COL18A1: variants seen among roughly 807,000 people sequenced by gnomAD.
COL18A1 encodes the protein collagen alpha-1(XVIII) chain.
In COL18A1, 133 loss-of-function variants were observed where a neutral mutation model predicts 168.0. The ratio of observed to expected loss-of-function variants is 0.79; its 90% CI spans 0.69 to 0.91. The LOEUF is 0.91. Among genes scored for constraint, COL18A1 ranks in the 40% least tolerant of loss-of-function variants. The pLI is 0.00. For synonymous variants in COL18A1, 949 were observed against 809.0 expected (o/e 1.17, Z -2.94); for missense variants, 2,126 against 1,925.4 (o/e 1.10, Z -1.95).
intron 2 of COL18A1, among the ~76,000 whole-genome samples, chr21:45,445,267 G>A (rs1422382429): frequency 2.6e-5 from 4 of 152,192 alleles, no homozygotes; most frequent in Admixed American, 6.5e-5. Flanking sequence ...GGGTTCGTCC[G>A]TGTTGCACCC....
At chr21:45,493,411 C>A (rs1177870235) in intron 25 of COL18A1, 90 bp from the exon 26 acceptor site, 3 of 1,350,384 alleles carry the variant, frequency 2.2e-6, no homozygotes, top group Non-Finnish European at 3.1e-6. Flanking sequence ...CTGCGAGGCC[C>A]AGTCACAGCG....
At chr21:45,439,801 CG>C (rs2034319455) in intron 2 of COL18A1, among the ~76,000 whole-genome samples, 1 of 150,240 alleles carries the variant, frequency 6.7e-6, no homozygotes, top group Non-Finnish European at 1.5e-5. Flanking sequence ...CTAAGATGCT[CG>C]GGAAATGCCG....
intron 2 of COL18A1, among the ~76,000 whole-genome samples, chr21:45,406,656 G>A (rs2033120162): frequency 6.6e-6 from 1 of 152,190 alleles, no homozygotes; most frequent in East Asian, 1.9e-4. Flanking sequence ...TCTGAGCCGG[G>A]CCGCCAGCGC....
In COL18A1 at chr21:45,457,694, A is replaced by C. The variant is rs977323590; in HGVS notation, c.107-10548A>C. Among the ~76,000 whole-genome samples, 1 of 152,110 alleles carries C rather than the reference A, an allele frequency of 6.6e-6. No homozygotes were observed. The highest frequency in any genetic ancestry group is 1.5e-5 in the Non-Finnish European group (1 of 68,008). On this transcript the variant is annotated intron_variant, in intron 2 of 41. Transcript: ENST00000651438. This position sits in a 1 kb window ranked among gnomAD's most constrained non-coding sequence, Gnocchi z 4.6. ...CTGCCCCATTCAGATTCTGCTTGCT[A>C]TGTGCACCTGGCAGCCTTGGCCCAG...
Position 45,487,431 on chromosome 21 carries a change from C to T in COL18A1, c.1834-16C>T, listed in dbSNP as rs75606818. Reference sequence around the variant, plus strand: ...AAGGGACACAGGCCCCTACGTGTCTCGTGTGTCTCTTCCAGGATGACATGG... The same window carrying T: ...AAGGGACACAGGCCCCTACGTGTCTTGTGTGTCTCTTCCAGGATGACATGG... On this transcript the variant is annotated splice_polypyrimidine_tract_variant and intron_variant, in intron 16 of 41. Transcript: ENST00000651438. 3.8e-4 allele frequency: 612 copies of T among 1,612,392 alleles called. 1 individual carries two copies. In the African/African-American group the frequency reaches 7.5e-3, roughly 20 times the overall value.
chr21:45,484,109 T>TGA (rs2036000600), intron 15 of COL18A1, among the ~76,000 whole-genome samples: 3 of 101,548 alleles, frequency 3.0e-5, no homozygotes, highest in African/African-American at 4.8e-5. Context: ...CCAGCATATG[T>TGA]GCACACGCAC....
At chr21:45,492,444 T>G in intron 22 of COL18A1, 91 bp from the exon 23 acceptor site, 5 of 1,450,266 alleles carry the variant, frequency 3.4e-6, no homozygotes, top group Non-Finnish European at 4.8e-6. Flanking sequence ...ATTTCCTGGT[T>G]TGGTGTTTTG....
At chr21:45,447,225 A>G (rs993638678) in intron 2 of COL18A1, among the ~76,000 whole-genome samples, 4 of 151,154 alleles carry the variant, frequency 2.6e-5, no homozygotes, top group Admixed American at 2.0e-4. Context: ...TATCATATAT[A>G]TCATATATCA....
At chr21:45,435,998 C>T (rs1420436664) in intron 2 of COL18A1, among the ~76,000 whole-genome samples, 1 of 152,164 alleles carries the variant, frequency 6.6e-6, no homozygotes, top group Admixed American at 6.5e-5. Flanking sequence ...GGCAGGGTGG[C>T]CAATTCCTGC....
intron 2 of COL18A1, among the ~76,000 whole-genome samples, chr21:45,442,768 G>A (rs542928945): frequency 3.7e-5 from 4 of 107,184 alleles, no homozygotes; most frequent in Admixed American, 8.6e-5. Context: ...AGCGGTGCTG[G>A]TGTGGGCGGC....
At chr21:45,429,403 A>AGG in intron 2 of COL18A1, among the ~76,000 whole-genome samples, 1 of 150,696 alleles carries the variant, frequency 6.6e-6, no homozygotes, top group Middle Eastern at 3.4e-3. Context: ...GGTCCCTGTG[A>AGG]GGAAGGGGCA....
chr21:45,440,257 A>G (rs2034332478), intron 2 of COL18A1, among the ~76,000 whole-genome samples: 3 of 152,240 alleles, frequency 2.0e-5, no homozygotes, highest in African/African-American at 7.2e-5. Flanking sequence ...GCTCTGCAAG[A>G]TTCAGAAGCA....
chr21:45,503,857 C>G (rs570672230), intron 32 of COL18A1, 154 bp from the exon 33 acceptor site: 4 of 599,030 alleles, frequency 6.7e-6, no homozygotes, highest in Non-Finnish European at 1.2e-5. Flanking sequence ...CAGAAAGTAT[C>G]GGTTAACTAG....
At position 45,409,471 on chromosome 21, in the gene COL18A1, TCC is replaced by T. The variant is rs2033223897; in HGVS notation, c.106+4000_106+4001del. Among the ~76,000 whole-genome samples, 8 of 152,202 alleles carry T rather than the reference TCC, an allele frequency of 5.3e-5. 2 individuals are homozygous for T. Among genetic ancestry groups the T allele is most frequent in the African/African-American group, 1.9e-4 (8 of 41,540 alleles). On this transcript the variant is annotated intron_variant, in intron 2 of 41. Coordinates refer to ENST00000651438, the MANE Select transcript of COL18A1 (RefSeq NM_001379500.1). ...TTGGGTGCTCCTCTTATCCAAGGCC[TCC>T]CAGGCCTGGGAGTTTGGGGTCTAAG...
chr21:45,478,344 CG>C lies in COL18A1; in HGVS notation c.1241del (p.Gly414GlufsTer18), dbSNP rs772838197. 1 of 1,614,152 alleles carries C rather than the reference CG, an allele frequency of 6.2e-7. No homozygotes were observed. Among genetic ancestry groups the C allele is most frequent in the East Asian group, 2.2e-5 (1 of 44,876 alleles). On this transcript the variant is annotated frameshift_variant, in exon 9 of 42. Transcript: ENST00000651438. LOFTEE classifies it high-confidence loss of function. The stretch of plus-strand genomic sequence containing the variant: ...ACACCCAGGGCGACCCCGGTGAAGA[CG>C]GAAAGCCGGTGAGTCTGCTTTTCTT... ...DGEPGDPGEDGKPGDTGPQGF... is the reference protein window; with the variant it reads ...DGEPGDPGEDXKPGDTGPQGF...
Position 45,457,410 on chromosome 21 carries a change from G to A in COL18A1, c.107-10832G>A, listed in dbSNP as rs970717516. On this transcript the variant is annotated intron_variant, in intron 2 of 41. Coordinates refer to ENST00000651438, the MANE Select transcript of COL18A1 (RefSeq NM_001379500.1). This position sits in a 1 kb window ranked among gnomAD's most constrained non-coding sequence, Gnocchi z 4.6. ...GGGACCAGGGAGGTCTGCAGGGCCC[G>A]TCCTGAGAGGGAGCCTTTCATGTCC... 3.5e-4 allele frequency among the ~76,000 whole-genome samples: 53 copies of A among 152,324 alleles called. No individual in the cohort carries two copies. Among genetic ancestry groups the A allele is most frequent in the African/African-American group, 1.0e-3 (42 of 41,574 alleles).
Position 45,512,202 on chromosome 21 carries a change from T to C in COL18A1, c.3824T>C (p.Val1275Ala), listed in dbSNP as rs1387464460. The C allele has an allele frequency of 6.2e-7, 1 of 1,612,202 alleles. No homozygotes were observed. Among genetic ancestry groups the C allele is most frequent in the African/African-American group, 1.3e-5 (1 of 74,880 alleles). The stretch of plus-strand genomic sequence containing the variant: ...GCGTCTTACAGGCCCCAGAAGAGCG[T>C]GTGGCATGGCTCGGACCCCAACGGG... ...LRHPTWPQKS[V>A]WHGSDPNGRR... Residue 1275 changes from valine to alanine, a missense_variant, in exon 42 of 42, where the codon GTG becomes GCG. Physicochemically the swap from Val to Ala is moderately conservative, Grantham distance 64. Coordinates refer to ENST00000651438, the MANE Select transcript of COL18A1 (RefSeq NM_001379500.1).
chr21:45,453,140 A>G (rs1057398031), intron 2 of COL18A1, among the ~76,000 whole-genome samples: 1 of 151,864 alleles, frequency 6.6e-6, no homozygotes, highest in Admixed American at 6.5e-5. Flanking sequence ...GTATGCGAGT[A>G]TTCACATGTG....
chr21:45,448,482 G>C (rs1452151908), intron 2 of COL18A1, among the ~76,000 whole-genome samples: 2 of 152,194 alleles, frequency 1.3e-5, no homozygotes, highest in African/African-American at 4.8e-5. Flanking sequence ...CACACACACA[G>C]ATATCCATGC....
Sources: gnomAD v4.1 joint callset for allele counts (sites outside exome capture counted in the v4.1 genomes callset) on GRCh38, gnomAD v4.1.1 for gene constraint, Gnocchi (gnomAD v3.1) non-coding constraint, MANE v1.5 for transcripts, NCBI Gene and HGNC (gene_info 2026-07-23, HGNC 2026-07-21) for gene names.